BMP6: variants seen among roughly 807,000 people sequenced by gnomAD.
BMP6 encodes the protein bone morphogenetic protein 6.
BMP6 carries 17 observed loss-of-function variants against 54.1 expected under a neutral mutation model. The observed-to-expected ratio is 0.31, with a 90% CI of 0.22 to 0.47. BMP6 has a LOEUF of 0.47. BMP6 is among the 20% of genes least tolerant of loss of function. BMP6 has a pLI of 1.00. For missense variants in BMP6, 720 were observed against 690.4 expected, an observed-to-expected ratio of 1.04 and a Z score of -0.48; for synonymous variants, 328 against 291.2, an observed-to-expected ratio of 1.13 and a Z score of -1.28.
intron 2 of BMP6, among the ~76,000 whole-genome samples, chr6:7,856,056 T>C (rs928439664): frequency 4.1e-5 from 6 of 145,570 alleles, no homozygotes; most frequent in African/African-American, 1.5e-4. Flanking sequence ...GTGCATTTGA[T>C]ATTTGAAACG....
chr6:7,852,567 A>C (rs549117292), intron 2 of BMP6, among the ~76,000 whole-genome samples: 1 of 152,354 alleles, frequency 6.6e-6, no homozygotes, highest in South Asian at 2.1e-4. Context: ...ACAAAGCAAG[A>C]ACTTGTCTCA....
intron 2 of BMP6, among the ~76,000 whole-genome samples, chr6:7,855,508 T>C (rs1759211385): frequency 6.6e-6 from 1 of 151,158 alleles, no homozygotes; most frequent in Non-Finnish European, 1.5e-5. Context: ...TTGCTGGCTG[T>C]GTGACCATGT....
intron 2 of BMP6, among the ~76,000 whole-genome samples, chr6:7,854,400 A>G (rs1268858932): frequency 6.6e-6 from 1 of 152,220 alleles, no homozygotes; most frequent in Non-Finnish European, 1.5e-5. Flanking sequence ...AAAAAAATCA[A>G]TAGCACTTTT....
At chr6:7,795,996 A>G (rs574037332) in intron 1 of BMP6, among the ~76,000 whole-genome samples, 2 of 152,310 alleles carry the variant, frequency 1.3e-5, no homozygotes, top group East Asian at 3.9e-4. Context: ...GTTGGAGTCA[A>G]ATCTATCATT....
intron 1 of BMP6, among the ~76,000 whole-genome samples, chr6:7,764,874 A>G (rs897585785): frequency 6.6e-6 from 1 of 152,092 alleles, no homozygotes; most frequent in African/African-American, 2.4e-5. Context: ...GAGGTCGAGG[A>G]GGGATTTACT....
At chr6:7,849,122 C>T (rs1581275921) in intron 2 of BMP6, among the ~76,000 whole-genome samples, 1 of 152,280 alleles carries the variant, frequency 6.6e-6, no homozygotes, top group South Asian at 2.1e-4. Flanking sequence ...AGGTAAGCAA[C>T]CTCCTTATGA....
At chr6:7,806,738 C>T (rs1047254326) in intron 1 of BMP6, among the ~76,000 whole-genome samples, 3 of 151,912 alleles carry the variant, frequency 2.0e-5, no homozygotes, top group Non-Finnish European at 2.9e-5. Flanking sequence ...TTTATACATC[C>T]TAATGAAATT....
At chr6:7,737,381 A>C (rs1761970876) in intron 1 of BMP6, among the ~76,000 whole-genome samples, 2 of 152,194 alleles carry the variant, frequency 1.3e-5, no homozygotes, top group South Asian at 4.1e-4. Flanking sequence ...AGAAAGCCAT[A>C]GGTGCCTGGA....
In BMP6 at chr6:7,727,235, C is replaced by G. The variant is rs376922072; in HGVS notation, c.280C>G (p.Arg94Gly). 2.5e-6 allele frequency: 4 copies of G among 1,606,302 alleles called. No individual in the cohort carries two copies. In the South Asian group the frequency reaches 3.3e-5, roughly 13 times the overall value. The part of the protein sequence containing the change: ...LSVLGLPHRP[R>G]PLHGLQQPQP... ...GGTGCTGGGGCTCCCGCACCGGCCC[C>G]GGCCCCTGCACGGCCTCCAACAGCC... is the stretch of plus-strand genomic sequence containing the variant. The change falls in exon 1 of 7, where the codon CGG becomes GGG. Residue 94 changes from arginine (R) to glycine (G), a missense_variant. Arg to Gly is a moderately radical substitution (Grantham distance 125). Transcript: ENST00000283147.
At chr6:7,808,442 C>T (rs183656786) in intron 1 of BMP6, among the ~76,000 whole-genome samples, 43 of 152,286 alleles carry the variant, frequency 2.8e-4, no homozygotes, top group Admixed American at 9.2e-4. Context: ...CAAAACCAAT[C>T]GCCTGACATT....
chr6:7,788,862 C>G (rs1490154546), intron 1 of BMP6, among the ~76,000 whole-genome samples: 1 of 144,230 alleles, frequency 6.9e-6, no homozygotes, highest in Non-Finnish European at 1.5e-5. Flanking sequence ...CTTATTCCAT[C>G]CTATCTCTGT....
chr6:7,765,359 C>G (rs1434860433), intron 1 of BMP6, among the ~76,000 whole-genome samples: 2 of 152,212 alleles, frequency 1.3e-5, no homozygotes, highest in African/African-American at 4.8e-5. Context: ...ATGTAATAAT[C>G]TAATAATTGG....
intron 1 of BMP6, among the ~76,000 whole-genome samples, chr6:7,769,479 G>A (rs1413935935): frequency 6.6e-6 from 1 of 152,184 alleles, no homozygotes; most frequent in Non-Finnish European, 1.5e-5. Context: ...TTGAGTAGGG[G>A]TCGAGTTCTG....
intron 1 of BMP6, among the ~76,000 whole-genome samples, chr6:7,734,987 G>T (rs985184782): frequency 3.3e-5 from 5 of 152,212 alleles, no homozygotes; most frequent in Non-Finnish European, 7.3e-5. Context: ...ATTGTCCTAG[G>T]CCTAAAATGT....
chr6:7,821,326 G>T (rs1353961928), intron 1 of BMP6, among the ~76,000 whole-genome samples: 1 of 152,146 alleles, frequency 6.6e-6, no homozygotes, highest in African/African-American at 2.4e-5. Flanking sequence ...TTGCTTCTGG[G>T]TTCTTGCATT....
chr6:7,848,596 C>T (rs894009949), intron 2 of BMP6, among the ~76,000 whole-genome samples: 1 of 152,168 alleles, frequency 6.6e-6, no homozygotes, highest in African/African-American at 2.4e-5. Flanking sequence ...TACCTCCTGT[C>T]GTACTAGTTG....
At chr6:7,861,729 C>A in intron 3 of BMP6, 130 bp downstream of exon 3, 1 of 1,337,080 alleles carries the variant, frequency 7.5e-7, no homozygotes, top group Non-Finnish European at 1.0e-6. Flanking sequence ...ATTTACTGAT[C>A]CCCCATGACT....
intron 4 of BMP6, among the ~76,000 whole-genome samples, chr6:7,865,195 TGA>T (rs1242545357): frequency 2.0e-5 from 3 of 152,214 alleles, no homozygotes; most frequent in Non-Finnish European, 4.4e-5. Context: ...TTCAATTTGA[TGA>T]GTTTAAATTA....
chr6:7,742,364 C>A (rs1757281130), intron 1 of BMP6, among the ~76,000 whole-genome samples: 1 of 152,178 alleles, frequency 6.6e-6, no homozygotes, highest in African/African-American at 2.4e-5. Context: ...TTCATGCATG[C>A]AAGGAGGCAC....
Sources: allele counts gnomAD v4.1 joint callset (sites outside exome capture counted in the v4.1 genomes callset), GRCh38; gene constraint gnomAD v4.1.1; transcripts MANE v1.5; gene names NCBI Gene and HGNC (gene_info 2026-07-23, HGNC 2026-07-21).